The following PDE1C variants were observed in gnomAD, a reference collection of about 807,000 sequenced individuals.
The protein encoded by PDE1C is dual specificity calcium/calmodulin-dependent 3',5'-cyclic nucleotide phosphodiesterase 1C.
In PDE1C, 62 loss-of-function variants were observed where a neutral mutation model predicts 93.1. That is an observed-to-expected ratio of 0.67 (90% CI 0.54 to 0.82). The LOEUF is 0.82. Among genes scored for constraint, PDE1C ranks in the 40% least tolerant of loss-of-function variants. The pLI, the probability that PDE1C is intolerant of heterozygous loss-of-function variation, is 0.00. For synonymous variants in PDE1C, 325 were observed against 310.1 expected (o/e 1.05, Z -0.50); for missense variants, 742 against 884.6 (o/e 0.84, Z 2.04).
Position 32,170,053 on chromosome 7 carries a change from G to A in PDE1C, c.137-97C>T, listed in dbSNP as rs1238454509. 3.8e-6 allele frequency: 4 copies of A among 1,061,306 alleles called. No homozygotes were observed. The East Asian group carries it at 9.6e-5, about 25-fold the overall frequency. The allele number at this position is 1,061,306 out of a possible 1,614,324, so 65.7% of individuals were successfully genotyped here. A position where few individuals can be genotyped will look rare whatever the true frequency, so the allele number is the denominator to read the frequency against. Reference sequence around the variant, plus strand: ...TCAGGATCTTCCAAAGCAGAGCAGGGAAATTTATATATTTCTCACCATCTC... The same window carrying A: ...TCAGGATCTTCCAAAGCAGAGCAGGAAAATTTATATATTTCTCACCATCTC... On this transcript the variant is annotated intron_variant, in intron 2 of 18. Transcript: ENST00000396193.
chr7:32,262,315 A>C (rs1201259398), intron 1 of PDE1C, among the ~76,000 whole-genome samples: 1 of 152,118 alleles, frequency 6.6e-6, no homozygotes, highest in African/African-American at 2.4e-5. Context: ...TCTTAAACTC[A>C]ATGAAAAAAT....
chr7:31,740,484 C>T, the PDE1C span, among the ~76,000 whole-genome samples: 1 of 152,252 alleles, frequency 6.6e-6, no homozygotes, highest in East Asian at 1.9e-4. Flanking sequence ...AATCCTTCTC[C>T]AACTCAAGTA....
At chr7:32,203,913 T>C (rs1443266345) in intron 2 of PDE1C, among the ~76,000 whole-genome samples, 1 of 152,226 alleles carries the variant, frequency 6.6e-6, no homozygotes, top group African/African-American at 2.4e-5. Context: ...CTCAGCAACC[T>C]TGGCATACAG....
chr7:31,755,878 G>A (rs939747353), intron 17 of PDE1C, among the ~76,000 whole-genome samples: 4 of 152,132 alleles, frequency 2.6e-5, no homozygotes, highest in Admixed American at 2.6e-4. Context: ...ACTAAAATAT[G>A]AGACAGGCTT....
chr7:32,411,152 G>A (rs28845851), intron 1 of PDE1C, among the ~76,000 whole-genome samples: 22,611 of 152,180 alleles, frequency 0.15, 3,291 homozygotes, highest in African/African-American at 0.37. Flanking sequence ...GAAAAATTTA[G>A]ACTTTTAACT....
chr7:32,232,237 T>G (rs1009382461), intron 1 of PDE1C, among the ~76,000 whole-genome samples: 1 of 152,180 alleles, frequency 6.6e-6, no homozygotes, highest in Non-Finnish European at 1.5e-5. Context: ...GCAATCCAAA[T>G]GGACATCAGC....
intron 2 of PDE1C, among the ~76,000 whole-genome samples, chr7:32,012,523 T>C (rs1478725492): frequency 1.3e-5 from 2 of 152,168 alleles, no homozygotes; most frequent in Non-Finnish European, 2.9e-5. Flanking sequence ...TCCAAACCCA[T>C]ATCAGAATCT....
At chr7:32,157,414 T>C (rs764038933) in intron 3 of PDE1C, among the ~76,000 whole-genome samples, 1 of 152,180 alleles carries the variant, frequency 6.6e-6, no homozygotes, top group African/African-American at 2.4e-5. Flanking sequence ...GTACATTGTA[T>C]ACCTGTATCA....
intron 3 of PDE1C, among the ~76,000 whole-genome samples, chr7:32,143,543 G>C (rs367663734): frequency 1.3e-5 from 2 of 151,916 alleles, no homozygotes; most frequent in Non-Finnish European, 2.9e-5. Context: ...AATTCCTCCT[G>C]TCTGGGGGGC....
intron 3 of PDE1C, among the ~76,000 whole-genome samples, chr7:32,150,596 T>G (rs1363706160): frequency 6.6e-6 from 1 of 152,218 alleles, no homozygotes; most frequent in East Asian, 1.9e-4. Flanking sequence ...CCTTGGATTC[T>G]GAGGCCAGAC....
At chr7:31,932,535 G>T (rs1310195413) in intron 2 of PDE1C, among the ~76,000 whole-genome samples, 1 of 152,196 alleles carries the variant, frequency 6.6e-6, no homozygotes, top group Admixed American at 6.5e-5. Flanking sequence ...ATACCAGTTA[G>T]AATGGTGATC....
chr7:31,856,883 C>T (rs1794090726), intron 7 of PDE1C, among the ~76,000 whole-genome samples: 1 of 152,040 alleles, frequency 6.6e-6, no homozygotes, highest in African/African-American at 2.4e-5. Flanking sequence ...GAGAAAAGTC[C>T]AAAATCAAGG....
At chr7:31,648,331 A>AAAG in the PDE1C span, among the ~76,000 whole-genome samples, 1 of 152,158 alleles carries the variant, frequency 6.6e-6, no homozygotes, top group East Asian at 1.9e-4. Context: ...ATTGTAAGAA[A>AAAG]AAGAAGAAGA....
chr7:31,676,603 G>T, the PDE1C span, among the ~76,000 whole-genome samples: 2 of 152,092 alleles, frequency 1.3e-5, no homozygotes, highest in Admixed American at 6.5e-5. Context: ...GTTTGTGTGG[G>T]TGTGGGTGTG....
At chr7:32,379,050 A>G (rs1784484611) in intron 1 of PDE1C, among the ~76,000 whole-genome samples, 1 of 152,186 alleles carries the variant, frequency 6.6e-6, no homozygotes, top group Non-Finnish European at 1.5e-5. Flanking sequence ...AATGTGACTT[A>G]CAATGCGTTC....
At chr7:31,974,438 C>T (rs1811373333) in intron 2 of PDE1C, among the ~76,000 whole-genome samples, 1 of 152,102 alleles carries the variant, frequency 6.6e-6, no homozygotes, top group South Asian at 2.1e-4. Context: ...AATATGGGAC[C>T]ATTTGCAGAA....
intron 3 of PDE1C, among the ~76,000 whole-genome samples, chr7:32,102,456 T>C (rs142211722): frequency 1.3e-4 from 20 of 152,336 alleles, no homozygotes; most frequent in African/African-American, 4.8e-4. Context: ...CTCAGCTTCC[T>C]TATCTGTGAA....
At chr7:31,926,147 A>ACACAC (rs1803349759) in intron 2 of PDE1C, among the ~76,000 whole-genome samples, 1 of 152,308 alleles carries the variant, frequency 6.6e-6, no homozygotes, top group Non-Finnish European at 1.5e-5. Flanking sequence ...ACACACACAC[A>ACACAC]CACACAATTA....
chr7:32,100,033 G>A (rs921716207), intron 3 of PDE1C, among the ~76,000 whole-genome samples: 1 of 151,974 alleles, frequency 6.6e-6, no homozygotes, highest in African/African-American at 2.4e-5. Flanking sequence ...TTGAAAAAAA[G>A]CATTTTTTGG....
Sources: gnomAD v4.1 joint callset for allele counts (sites outside exome capture counted in the v4.1 genomes callset) on GRCh38, gnomAD v4.1.1 for gene constraint, MANE v1.5 for transcripts, NCBI Gene and HGNC (gene_info 2026-07-23, HGNC 2026-07-21) for gene names.